The following RMDN2 variants were observed in gnomAD, a reference collection of about 807,000 sequenced individuals.
RMDN2 encodes regulator of microtubule dynamics 2.
A neutral mutation model predicts 52.8 loss-of-function variants in RMDN2; 61 were observed. That is an observed-to-expected ratio of 1.16 (90% CI 0.94 to 1.43). The LOEUF (loss-of-function observed/expected upper bound fraction) is 1.43. Ranked by LOEUF, RMDN2 falls within the 40% of genes most tolerant of loss-of-function variation. The pLI is 0.00. For synonymous variants in RMDN2, 180 were observed against 153.1 expected (o/e 1.18, Z -1.30); for missense variants, 592 against 475.3 (o/e 1.25, Z -2.28).
chr2:37,951,316 C>G, intron 2 of RMDN2: 2 of 1,612,950 alleles, frequency 1.2e-6, no homozygotes, highest in Non-Finnish European at 1.7e-6. Context: ...GGAGCCTCTT[C>G]TATTTCACAA....
At chr2:38,023,865 C>T (rs960669005) in intron 10 of RMDN2, among the ~76,000 whole-genome samples, 2 of 152,090 alleles carry the variant, frequency 1.3e-5, no homozygotes, top group Non-Finnish European at 2.9e-5. Flanking sequence ...CCCACGAAAC[C>T]ATCACCACAG....
chr2:38,016,468 A>C (rs1678799173), intron 10 of RMDN2, among the ~76,000 whole-genome samples: 1 of 152,246 alleles, frequency 6.6e-6, no homozygotes, highest in South Asian at 2.1e-4. Flanking sequence ...AAATGCCTTC[A>C]GTGACCATTT....
In RMDN2 at chr2:37,968,005, A is replaced by C. The variant is rs1177894424; in HGVS notation, c.453-6035A>C. Among the ~76,000 whole-genome samples the C allele has an allele frequency of 2.6e-5, 4 of 152,274 alleles. No homozygotes were observed. The East Asian group carries it at 7.7e-4, about 29-fold the overall frequency. On this transcript the variant is annotated intron_variant, in intron 2 of 10. Coordinates refer to ENST00000354545, the MANE Select transcript of RMDN2 (RefSeq NM_001170791.3). ...TTTATGTTTTGTATTTTTATCTTTT[A>C]ATTCCTTTTTTCCGTGAACTTTTTG...
intron 2 of RMDN2, among the ~76,000 whole-genome samples, chr2:37,973,054 T>C (rs1672008279): frequency 6.6e-6 from 1 of 152,120 alleles, no homozygotes; most frequent in South Asian, 2.1e-4. Flanking sequence ...GAAGAACATT[T>C]GTGTCCTTTG....
At chr2:38,041,275 A>G (rs1307345757) in intron 10 of RMDN2, among the ~76,000 whole-genome samples, 1 of 152,078 alleles carries the variant, frequency 6.6e-6, no homozygotes, top group Non-Finnish European at 1.5e-5. Flanking sequence ...CTCTCCTACT[A>G]CTTCTTAGCA....
At chr2:37,958,002 A>G (rs1262556181) in intron 2 of RMDN2, among the ~76,000 whole-genome samples, 4 of 152,062 alleles carry the variant, frequency 2.6e-5, no homozygotes, top group African/African-American at 7.2e-5. Flanking sequence ...CCATTGGTCT[A>G]TATATCTGTT....
intron 2 of RMDN2, among the ~76,000 whole-genome samples, chr2:37,935,691 TTTC>T (rs1362609049): frequency 2.6e-5 from 4 of 152,216 alleles, no homozygotes; most frequent in African/African-American, 9.6e-5. Context: ...TAAATGGTCT[TTTC>T]TTCTTAAAAT....
rs116742072 is a variant in RMDN2 at position 37,964,241 on chromosome 2, G to T, written c.453-9799G>T. Among the ~76,000 whole-genome samples, 1,283 of 152,324 alleles carry T rather than the reference G, an allele frequency of 8.4e-3. 22 individuals are homozygous for T. Among genetic ancestry groups the T allele is most frequent in the African/African-American group, 0.029 (1,199 of 41,564 alleles). On this transcript the variant is annotated intron_variant, in intron 2 of 10. Coordinates refer to ENST00000354545, the MANE Select transcript of RMDN2 (RefSeq NM_001170791.3). Reference sequence around the variant, plus strand: ...GACAGGGCGGCTGCCGGGCGGAGGGGCTCCTCCATACACGTGAGTTTCTTT... The same window carrying T: ...GACAGGGCGGCTGCCGGGCGGAGGGTCTCCTCCATACACGTGAGTTTCTTT...
intron 8 of RMDN2, chr2:37,997,903 G>A (rs1675788277): frequency 5.9e-6 from 1 of 168,444 alleles, no homozygotes; most frequent in Non-Finnish European, 1.3e-5. Context: ...CATAGAACCA[G>A]TTTAATCTTA....
chr2:37,930,688 A>G lies in RMDN2; in HGVS notation c.452+959A>G, dbSNP rs1666659731. Among the ~76,000 whole-genome samples the G allele has an allele frequency of 2.0e-5, 3 of 152,180 alleles. No homozygotes were observed. In the South Asian group the frequency reaches 6.2e-4, roughly 32 times the overall value. On this transcript the variant is annotated intron_variant, in intron 2 of 10. Transcript: ENST00000354545. ...CTGGGTGCAGAGTGGGTGAGCAGAGAGGCCCCCAACCCTGGATGGAACCCA... is the reference window on the plus strand; with the variant it reads ...CTGGGTGCAGAGTGGGTGAGCAGAGGGGCCCCCAACCCTGGATGGAACCCA...
intron 10 of RMDN2, among the ~76,000 whole-genome samples, chr2:38,023,801 C>CA (rs1679566530): frequency 1.3e-5 from 2 of 152,030 alleles, no homozygotes; most frequent in African/African-American, 2.4e-5. Context: ...AATTGACATA[C>CA]AAAAAAACTG....
chr2:38,017,233 G>T lies in RMDN2; in HGVS notation c.1227G>T (p.Lys409Asn), dbSNP rs1212590045. 2 of 1,533,246 alleles carry T rather than the reference G, an allele frequency of 1.3e-6. No individual in the cohort carries two copies. Among genetic ancestry groups the T allele is most frequent in the Non-Finnish European group, 8.8e-7 (1 of 1,137,846 alleles). 95.0% of individuals were successfully genotyped at this position (1,533,246 alleles called of 1,614,324 possible). The change falls in exon 11 of 11, where the codon AAG becomes AAT. Residue 409 changes from lysine (K) to asparagine (N), a missense_variant. Physicochemically the swap from Lys to Asn is moderately conservative, Grantham distance 94 (BLOSUM62 0). Coordinates refer to ENST00000354545, the MANE Select transcript of RMDN2 (RefSeq NM_001170791.3). ...KEMQKIMTSL[K>N]R ...TGCAAAAAATAATGACTTCCTTGAAGAGGTAAATAAACGAATTTACTCTTC... is the reference window on the plus strand; with the variant it reads ...TGCAAAAAATAATGACTTCCTTGAATAGGTAAATAAACGAATTTACTCTTC...
intron 2 of RMDN2, among the ~76,000 whole-genome samples, chr2:37,956,852 A>T (rs1340119617): frequency 2.7e-5 from 4 of 150,344 alleles, no homozygotes; most frequent in Non-Finnish European, 5.9e-5. Flanking sequence ...TCCCCTCCCT[A>T]TGTCCATGTG....
intron 10 of RMDN2, among the ~76,000 whole-genome samples, chr2:38,024,108 G>C (rs993202036): frequency 1.3e-5 from 2 of 152,060 alleles, no homozygotes; most frequent in Non-Finnish European, 1.5e-5. Context: ...GTGGTAACAT[G>C]AACTAATAGT....
intron 2 of RMDN2, among the ~76,000 whole-genome samples, chr2:37,961,650 G>A (rs532562960): frequency 1.3e-5 from 2 of 151,832 alleles, no homozygotes; most frequent in African/African-American, 2.4e-5. Flanking sequence ...CCTTTAGCTC[G>A]GAGAAGTTTG....
chr2:37,924,644 G>A (rs1025177362), upstream of RMDN2, among the ~76,000 whole-genome samples: 1 of 152,252 alleles, frequency 6.6e-6, no homozygotes, highest in African/African-American at 2.4e-5. Flanking sequence ...TGGGATTACA[G>A]GCGTGACCCA....
intron 7 of RMDN2, among the ~76,000 whole-genome samples, chr2:37,995,330 C>G (rs1675374839): frequency 6.7e-6 from 1 of 149,922 alleles, no homozygotes; most frequent in Non-Finnish European, 1.5e-5. Flanking sequence ...ATGACTACTA[C>G]TACTACTACT....
At chr2:37,959,159 G>C (rs1044442079) in intron 2 of RMDN2, among the ~76,000 whole-genome samples, 1 of 150,922 alleles carries the variant, frequency 6.6e-6, no homozygotes, top group Admixed American at 6.6e-5. Context: ...GGATGATGCT[G>C]GCCTCATAAA....
At chr2:38,034,861 A>AT (rs780703967) in intron 10 of RMDN2, among the ~76,000 whole-genome samples, 3 of 132,228 alleles carry the variant, frequency 2.3e-5, no homozygotes, top group Non-Finnish European at 3.6e-5. Flanking sequence ...CTGTTTTAAT[A>AT]TTTAAAAAAA....
Sources: gnomAD v4.1 joint callset for allele counts (sites outside exome capture counted in the v4.1 genomes callset) on GRCh38, gnomAD v4.1.1 for gene constraint, MANE v1.5 for transcripts, NCBI Gene and HGNC (gene_info 2026-07-23, HGNC 2026-07-21) for gene names.